KCNIP4: variants seen among roughly 807,000 people sequenced by gnomAD.
KCNIP4 encodes the protein Kv channel-interacting protein 4.
A neutral mutation model predicts 34.0 loss-of-function variants in KCNIP4; 12 were observed. That is an observed-to-expected ratio of 0.35 (90% confidence interval 0.23 to 0.57). KCNIP4 has a LOEUF of 0.57. Among genes scored for constraint, KCNIP4 ranks in the 20% least tolerant of loss-of-function variants. The probability of loss-of-function intolerance (pLI) is 0.83; values close to 1 mark genes in which losing one functional copy is unlikely to be tolerated. For synonymous variants in KCNIP4, 124 were observed against 102.2 expected (o/e 1.21, Z -1.29); for missense variants, 238 against 311.7 (o/e 0.76, Z 1.78).
chr4:21,108,304 T>C (rs1748780763), intron 1 of KCNIP4, among the ~76,000 whole-genome samples: 1 of 131,626 alleles, frequency 7.6e-6, no homozygotes, highest in Admixed American at 7.6e-5. Flanking sequence ...TCGTTTCTTT[T>C]TATTTTTTCT....
intron 1 of KCNIP4, among the ~76,000 whole-genome samples, chr4:21,232,892 G>A (rs1758901904): frequency 6.6e-6 from 1 of 152,116 alleles, no homozygotes; most frequent in South Asian, 2.1e-4. Context: ...ACAGCAGAGA[G>A]AATGAGGGGA....
chr4:21,667,990 C>T (rs915684242), intron 1 of KCNIP4, among the ~76,000 whole-genome samples: 1 of 151,956 alleles, frequency 6.6e-6, no homozygotes, highest in Admixed American at 6.6e-5. Flanking sequence ...CAATGCCTGT[C>T]AATAATAGAC....
intron 1 of KCNIP4, among the ~76,000 whole-genome samples, chr4:21,125,897 T>C (rs1038117884): frequency 9.9e-5 from 15 of 152,092 alleles, no homozygotes; most frequent in African/African-American, 3.6e-4. Context: ...TTATTTTCTA[T>C]TTTATGTTCT....
At chr4:21,544,835 C>T (rs1738006078) in intron 1 of KCNIP4, among the ~76,000 whole-genome samples, 1 of 151,920 alleles carries the variant, frequency 6.6e-6, no homozygotes, top group Non-Finnish European at 1.5e-5. Context: ...TTCTTTTATT[C>T]CTTTACTTTC....
At chr4:21,567,316 G>A (rs950867113) in intron 1 of KCNIP4, among the ~76,000 whole-genome samples, 3 of 151,764 alleles carry the variant, frequency 2.0e-5, no homozygotes, top group Non-Finnish European at 4.4e-5. Flanking sequence ...AGCTAGGGGT[G>A]GCCAATGAGA....
At chr4:21,233,931 A>T (rs1017305859) in intron 1 of KCNIP4, among the ~76,000 whole-genome samples, 4 of 138,454 alleles carry the variant, frequency 2.9e-5, no homozygotes, top group African/African-American at 1.1e-4. Context: ...ATGTAATTAT[A>T]TTATATAAAT....
intron 1 of KCNIP4, among the ~76,000 whole-genome samples, chr4:21,008,248 G>A (rs1481827026): frequency 6.6e-6 from 1 of 151,938 alleles, no homozygotes; most frequent in African/African-American, 2.4e-5. Context: ...CTCAAGATTT[G>A]CTACCAAACC....
intron 1 of KCNIP4, among the ~76,000 whole-genome samples, chr4:20,893,797 C>T (rs181856151): frequency 6.6e-6 from 1 of 152,238 alleles, no homozygotes; most frequent in East Asian, 1.9e-4. Context: ...AAAATGACAG[C>T]AGTATCTTTT....
intron 1 of KCNIP4, among the ~76,000 whole-genome samples, chr4:21,883,631 T>A (rs1463686201): frequency 6.6e-6 from 1 of 152,164 alleles, no homozygotes; most frequent in Admixed American, 6.6e-5. Flanking sequence ...AGACACATAA[T>A]CCCAATTAAC....
intron 2 of KCNIP4, among the ~76,000 whole-genome samples, chr4:20,861,155 C>T (rs1471505206): frequency 1.3e-5 from 2 of 152,150 alleles, no homozygotes; most frequent in African/African-American, 4.8e-5. Flanking sequence ...TGCCCCAAAC[C>T]TGTCTTTCCC....
chr4:21,011,021 C>A (rs1319498647), intron 1 of KCNIP4, among the ~76,000 whole-genome samples: 2 of 152,104 alleles, frequency 1.3e-5, no homozygotes, highest in East Asian at 3.9e-4. Context: ...TACTCAATGC[C>A]TCCCGATGAA....
intron 1 of KCNIP4, among the ~76,000 whole-genome samples, chr4:21,351,334 T>A (rs1448019228): frequency 6.6e-6 from 1 of 152,172 alleles, no homozygotes; most frequent in Non-Finnish European, 1.5e-5. Flanking sequence ...TTTCCCATGC[T>A]GTTCTATTGA....
At chr4:21,831,996 T>C (rs946049863) in intron 1 of KCNIP4, among the ~76,000 whole-genome samples, 2 of 152,026 alleles carry the variant, frequency 1.3e-5, no homozygotes, top group African/African-American at 4.8e-5. Flanking sequence ...CCTTAACAAA[T>C]ACTAGCAAAC....
intron 1 of KCNIP4, among the ~76,000 whole-genome samples, chr4:21,054,099 C>T (rs537133172): frequency 3.3e-5 from 5 of 151,526 alleles, no homozygotes; most frequent in African/African-American, 7.3e-5. Context: ...GTCAATATTA[C>T]GTAGATATTG....
At chr4:21,676,351 T>C (rs58017449) in intron 1 of KCNIP4, among the ~76,000 whole-genome samples, 1 of 152,230 alleles carries the variant, frequency 6.6e-6, no homozygotes, top group Admixed American at 6.5e-5. Flanking sequence ...AGTCAAATCA[T>C]AATCTGGATA....
At chr4:21,137,037 C>T (rs1254831216) in intron 1 of KCNIP4, among the ~76,000 whole-genome samples, 1 of 152,116 alleles carries the variant, frequency 6.6e-6, no homozygotes, top group Non-Finnish European at 1.5e-5. Context: ...TTGATCAACC[C>T]TACTGAATTC....
At chr4:21,229,251 T>C in intron 1 of KCNIP4, among the ~76,000 whole-genome samples, 1 of 152,204 alleles carries the variant, frequency 6.6e-6, no homozygotes, top group East Asian at 1.9e-4. Context: ...GCCACATCTA[T>C]CGGGAAATAT....
chr4:21,223,290 A>T (rs1364814698), intron 1 of KCNIP4, among the ~76,000 whole-genome samples: 3 of 152,308 alleles, frequency 2.0e-5, no homozygotes, highest in Non-Finnish European at 4.4e-5. Context: ...CAAGGAATGT[A>T]GGTGACTGCT....
intron 1 of KCNIP4, among the ~76,000 whole-genome samples, chr4:21,385,950 G>A (rs1721988568): frequency 6.6e-6 from 1 of 152,112 alleles, no homozygotes; most frequent in African/African-American, 2.4e-5. Flanking sequence ...TACAACTTTG[G>A]GAGAACTGGG....
Sources: gnomAD v4.1 joint callset for allele counts (sites outside exome capture counted in the v4.1 genomes callset) on GRCh38, gnomAD v4.1.1 for gene constraint, MANE v1.5 for transcripts, NCBI Gene and HGNC (gene_info 2026-07-23, HGNC 2026-07-21) for gene names.